The following DPYD variants were observed in gnomAD, a reference collection of about 807,000 sequenced individuals.
DPYD encodes dihydropyrimidine dehydrogenase.
In DPYD, 109 loss-of-function variants were observed where a neutral mutation model predicts 116.2. The observed-to-expected ratio is 0.94, with a 90% CI of 0.80 to 1.10. The LOEUF (loss-of-function observed/expected upper bound fraction) is 1.10, where lower values mean the gene tolerates loss of function less well. DPYD is among the 50% of genes least tolerant of loss of function. DPYD has a pLI of 0.00. For missense variants in DPYD, 1,302 were observed against 1,254.5 expected, an observed-to-expected ratio of 1.04 and a Z score of -0.57; for synonymous variants, 440 against 432.0, an observed-to-expected ratio of 1.02 and a Z score of -0.23.
At chr1:97,613,643 A>G (rs1656085789) in intron 8 of DPYD, among the ~76,000 whole-genome samples, 1 of 152,036 alleles carries the variant, frequency 6.6e-6, no homozygotes, top group African/African-American at 2.4e-5. Flanking sequence ...AAAATTATAA[A>G]TGGAAAGAGC....
chr1:97,836,405 G>C (rs933109754), intron 2 of DPYD, among the ~76,000 whole-genome samples: 9 of 152,210 alleles, frequency 5.9e-5, no homozygotes, highest in African/African-American at 2.2e-4. Flanking sequence ...GCTTAATCTA[G>C]TTAAAATATA....
intron 20 of DPYD, among the ~76,000 whole-genome samples, chr1:97,124,405 AC>A (rs1441362071): frequency 6.6e-6 from 1 of 152,128 alleles, no homozygotes; most frequent in Admixed American, 6.6e-5. Flanking sequence ...GACTTTAGTA[AC>A]TTTTCTGAGT....
At chr1:97,354,568 A>T (rs1371664127) in intron 16 of DPYD, among the ~76,000 whole-genome samples, 1 of 152,212 alleles carries the variant, frequency 6.6e-6, no homozygotes, top group Non-Finnish European at 1.5e-5. Flanking sequence ...GAGAAATCAG[A>T]CATGTGAAGC....
chr1:97,200,843 C>T (rs1390974052), intron 19 of DPYD, among the ~76,000 whole-genome samples: 2 of 152,114 alleles, frequency 1.3e-5, no homozygotes, highest in Non-Finnish European at 2.9e-5. Context: ...GGCAGACCCG[C>T]CTGGTTTGAA....
chr1:97,725,481 C>T (rs1663200362), intron 4 of DPYD, among the ~76,000 whole-genome samples: 1 of 151,392 alleles, frequency 6.6e-6, no homozygotes, highest in African/African-American at 2.4e-5. Flanking sequence ...TCCAGAGGAT[C>T]CAGAATAGCT....
chr1:97,432,386 T>C (rs1167977585), intron 14 of DPYD, among the ~76,000 whole-genome samples: 3 of 152,148 alleles, frequency 2.0e-5, no homozygotes, highest in African/African-American at 7.2e-5. Context: ...GGTCAATGAA[T>C]TCTTCATTTC....
At chr1:97,915,751 G>A (rs183343413) in intron 1 of DPYD, among the ~76,000 whole-genome samples, 1 of 152,242 alleles carries the variant, frequency 6.6e-6, no homozygotes, top group African/African-American at 2.4e-5. Flanking sequence ...AAGGACTGAA[G>A]GGCTCTGCAA....
intron 16 of DPYD, among the ~76,000 whole-genome samples, chr1:97,336,601 T>A (rs916272772): frequency 1.3e-5 from 2 of 152,058 alleles, no homozygotes; most frequent in African/African-American, 4.8e-5. Context: ...ATACAAAAAA[T>A]TAGCCTGGCA....
At position 97,130,727 on chromosome 1, in the gene DPYD, TTTC is replaced by T. The variant is rs1409663950; in HGVS notation, c.2623-32098_2623-32096del. 2.5e-4 allele frequency among the ~76,000 whole-genome samples: 28 copies of T among 110,194 alleles called. No homozygotes were observed. In the East Asian group the frequency reaches 4.4e-3, roughly 17 times the overall value. The allele number at this position is 110,194 out of a possible 152,430, so 72.3% of individuals were successfully genotyped here. A position where few individuals can be genotyped will look rare whatever the true frequency, so the allele number is the denominator to read the frequency against. On this transcript the variant is annotated intron_variant, in intron 20 of 22. Coordinates refer to ENST00000370192, the MANE Select transcript of DPYD (RefSeq NM_000110.4). The stretch of plus-strand genomic sequence containing the variant: ...CCCTCTCTCCCTCTCTCTTTCTTTC[TTTC>T]TTCCTTTCTTTCTTCTTTCTCCCTT...
At chr1:97,370,999 T>C (rs565120370) in intron 16 of DPYD, among the ~76,000 whole-genome samples, 2 of 152,302 alleles carry the variant, frequency 1.3e-5, no homozygotes, top group East Asian at 3.9e-4. Flanking sequence ...AGAGTATGGA[T>C]TACGGCCTTC....
At chr1:97,728,945 C>T (rs1051834382) in intron 4 of DPYD, among the ~76,000 whole-genome samples, 2 of 151,422 alleles carry the variant, frequency 1.3e-5, no homozygotes, top group Non-Finnish European at 2.9e-5. Context: ...CGTACTCATA[C>T]TCTCAGAAAA....
chr1:97,786,650 C>T (rs899156557), intron 3 of DPYD, among the ~76,000 whole-genome samples: 2 of 152,106 alleles, frequency 1.3e-5, no homozygotes, highest in African/African-American at 4.8e-5. Flanking sequence ...AGAATAGACA[C>T]CTGAAGTTTA....
chr1:97,526,984 G>A (rs1649152905), intron 12 of DPYD, among the ~76,000 whole-genome samples: 1 of 152,068 alleles, frequency 6.6e-6, no homozygotes, highest in Admixed American at 6.6e-5. Flanking sequence ...CCCAAAGAAA[G>A]TAAACTGCTT....
chr1:97,185,529 T>C (rs1185387261), intron 20 of DPYD, among the ~76,000 whole-genome samples: 1 of 149,390 alleles, frequency 6.7e-6, no homozygotes, highest in Non-Finnish European at 1.5e-5. Flanking sequence ...TATGCAAGTA[T>C]GTTTATAGCA....
intron 14 of DPYD, among the ~76,000 whole-genome samples, chr1:97,444,993 G>T (rs1304426398): frequency 6.6e-6 from 1 of 152,108 alleles, no homozygotes; most frequent in Non-Finnish European, 1.5e-5. Context: ...CTAACGGCAT[G>T]CCAGGCAAAG....
rs2101036520 is a variant in DPYD, at chr1:97,305,350, G to A, written c.2208C>T (p.Asn736=). ...EGGANGVTAT[N]TVSGLMGLKS... The stretch of plus-strand genomic sequence containing the variant: ...TTAATCCCATCAGACCTGAGACAGT[G>A]TTGGTGGCTGTAACGCCATTGGCAC... The change falls in exon 18 of 23, where the codon AAC becomes AAT. Residue 736 remains asparagine (N), a synonymous_variant. Coordinates refer to ENST00000370192, the MANE Select transcript of DPYD (RefSeq NM_000110.4). The A allele has an allele frequency of 6.2e-7, 1 of 1,612,440 alleles. No homozygotes were observed. Among genetic ancestry groups the A allele is most frequent in the Non-Finnish European group, 8.5e-7 (1 of 1,178,920 alleles).
intron 14 of DPYD, among the ~76,000 whole-genome samples, chr1:97,433,622 A>G (rs1675302352): frequency 6.6e-6 from 1 of 152,178 alleles, no homozygotes; most frequent in Non-Finnish European, 1.5e-5. Context: ...CATCCTTACT[A>G]GAAGCAGAAG....
chr1:97,199,342 A>G (rs1212854768), intron 19 of DPYD, among the ~76,000 whole-genome samples: 2 of 152,086 alleles, frequency 1.3e-5, no homozygotes, highest in Admixed American at 6.6e-5. Context: ...ACAGAAGTCA[A>G]GCAGAATAGA....
intron 20 of DPYD, among the ~76,000 whole-genome samples, chr1:97,116,727 A>C (rs1412619012): frequency 6.6e-6 from 1 of 152,008 alleles, no homozygotes; most frequent in Admixed American, 6.6e-5. Flanking sequence ...TAAAATGACA[A>C]ATCATGGATT....
Sources: allele counts gnomAD v4.1 joint callset (sites outside exome capture counted in the v4.1 genomes callset), GRCh38; gene constraint gnomAD v4.1.1; transcripts MANE v1.5; gene names NCBI Gene and HGNC (gene_info 2026-07-23, HGNC 2026-07-21).